The following CEP85L variants were observed in gnomAD, a reference collection of about 807,000 sequenced individuals.
The protein encoded by CEP85L is centrosomal protein of 85 kDa-like.
A neutral mutation model predicts 100.3 loss-of-function variants in CEP85L; 60 were observed. That is an observed-to-expected ratio of 0.60 (90% CI 0.49 to 0.74). The LOEUF is 0.74. CEP85L is among the 30% of genes least tolerant of loss of function. The pLI is 0.00. For synonymous variants in CEP85L, 319 were observed against 322.7 expected, an observed-to-expected ratio of 0.99 and a Z score of 0.12; for missense variants, 973 against 936.2, an observed-to-expected ratio of 1.04 and a Z score of -0.51.
intron 1 of CEP85L, among the ~76,000 whole-genome samples, chr6:118,693,961 G>C (rs1466727389): frequency 6.6e-5 from 10 of 152,078 alleles, no homozygotes; most frequent in Admixed American, 6.6e-4. Context: ...AGCATTTTGG[G>C]CTTCTGGGGT....
intron 1 of CEP85L, among the ~76,000 whole-genome samples, chr6:118,673,116 G>T (rs1776368794): frequency 6.6e-6 from 1 of 152,064 alleles, no homozygotes; most frequent in African/African-American, 2.4e-5. Context: ...CAAGGTTGGG[G>T]GCAGGACAAG....
At chr6:118,590,349 C>T (rs1020627900) in intron 2 of CEP85L, among the ~76,000 whole-genome samples, 1 of 152,172 alleles carries the variant, frequency 6.6e-6, no homozygotes, top group Non-Finnish European at 1.5e-5. Context: ...GCTGAGCCGG[C>T]AAGCTTTGAT....
At chr6:118,518,678 C>A (rs1421079746) in intron 4 of CEP85L, among the ~76,000 whole-genome samples, 1 of 152,154 alleles carries the variant, frequency 6.6e-6, no homozygotes, top group Admixed American at 6.5e-5. Flanking sequence ...TTTCAAAAAA[C>A]CACCTCCTGG....
chr6:118,642,044 T>C (rs1562332652), intron 1 of CEP85L, among the ~76,000 whole-genome samples: 2 of 151,792 alleles, frequency 1.3e-5, no homozygotes, highest in Non-Finnish European at 2.9e-5. Context: ...TATGTACCAC[T>C]AAAAAAAAGG....
intron 5 of CEP85L, among the ~76,000 whole-genome samples, 164 bp from the exon 6 acceptor site, chr6:118,492,029 TTAAAG>T (rs984960425): frequency 1.8e-4 from 28 of 152,154 alleles, no homozygotes; most frequent in African/African-American, 6.8e-4. Flanking sequence ...TGTACCATAA[TTAAAG>T]TAAATTACTT....
At chr6:118,589,301 G>C (rs139742733) in intron 2 of CEP85L, 122 of 237,474 alleles carry the variant, frequency 5.1e-4, no homozygotes, top group African/African-American at 2.6e-3. Context: ...ATGGGCTGCA[G>C]AATTCCAGGG....
At chr6:118,567,285 A>C (rs754868311) in intron 2 of CEP85L, among the ~76,000 whole-genome samples, 6 of 131,488 alleles carry the variant, frequency 4.6e-5, no homozygotes, top group Admixed American at 3.1e-4. Context: ...ATATATATAT[A>C]TATCCATATT....
At chr6:118,551,195 T>C (rs999133204) in intron 3 of CEP85L, among the ~76,000 whole-genome samples, 2 of 151,748 alleles carry the variant, frequency 1.3e-5, no homozygotes, top group Non-Finnish European at 3.0e-5. Context: ...TTACCCAGAG[T>C]AATTCTGAAG....
At chr6:118,635,202 TTAAAG>T (rs1267816724) in intron 1 of CEP85L, among the ~76,000 whole-genome samples, 1 of 152,228 alleles carries the variant, frequency 6.6e-6, no homozygotes, top group Non-Finnish European at 1.5e-5. Context: ...ACAGCACTGC[TTAAAG>T]TAAATGCCTA....
At chr6:118,664,702 T>A (rs1349378811) in intron 1 of CEP85L, among the ~76,000 whole-genome samples, 4 of 152,238 alleles carry the variant, frequency 2.6e-5, no homozygotes, top group Non-Finnish European at 5.9e-5. Flanking sequence ...GAACAACTGG[T>A]TGTAGAATCA....
intron 2 of CEP85L, among the ~76,000 whole-genome samples, chr6:118,618,230 C>T (rs1049561877): frequency 6.6e-6 from 1 of 152,174 alleles, no homozygotes; most frequent in Non-Finnish European, 1.5e-5. Flanking sequence ...GTTCAAATAA[C>T]TGCCGGTTAG....
chr6:118,493,789 C>G (rs900129625), intron 5 of CEP85L, among the ~76,000 whole-genome samples: 1 of 151,998 alleles, frequency 6.6e-6, no homozygotes, highest in Non-Finnish European at 1.5e-5. Context: ...AGCAGATATA[C>G]TTAATATAAT....
chr6:118,609,648 T>C (rs1285181532), intron 2 of CEP85L, among the ~76,000 whole-genome samples: 1 of 151,746 alleles, frequency 6.6e-6, no homozygotes, highest in African/African-American at 2.4e-5. Context: ...CAATGAACAA[T>C]ATGGGACCAT....
At chr6:118,566,394 G>A in intron 2 of CEP85L, 78 bp from the exon 3 acceptor site, 1 of 1,166,602 alleles carries the variant, frequency 8.6e-7, no homozygotes, top group Non-Finnish European at 1.2e-6. Flanking sequence ...TATGCCAAAA[G>A]AAATATCTGA....
rs566961157 is a variant in CEP85L, at chr6:118,545,935, G to A, written c.1020+19594C>T. ...AGGAAAGTTATTTGTATAAAGCCATGTGACCAAAAATACATTCAAACTATA... is the reference window on the plus strand; with the variant it reads ...AGGAAAGTTATTTGTATAAAGCCATATGACCAAAAATACATTCAAACTATA... On this transcript the variant is annotated intron_variant, in intron 3 of 12. Transcript: ENST00000368491. 2.6e-5 allele frequency among the ~76,000 whole-genome samples: 4 copies of A among 152,214 alleles called. No homozygotes were observed. In the East Asian group the frequency reaches 7.7e-4, roughly 29 times the overall value.
upstream of CEP85L, among the ~76,000 whole-genome samples, chr6:118,653,293 TTTGGCAC>T (rs1275999530): frequency 6.6e-6 from 1 of 152,238 alleles, no homozygotes; most frequent in African/African-American, 2.4e-5. Flanking sequence ...ATGTTGCTCT[TTTGGCAC>T]TTGGCACCAA....
intron 1 of CEP85L, among the ~76,000 whole-genome samples, chr6:118,690,647 G>T (rs1025023505): frequency 6.6e-6 from 1 of 152,236 alleles, no homozygotes; most frequent in Non-Finnish European, 1.5e-5. Context: ...ATCCAAAGCT[G>T]CTGGTGGCCA....
chr6:118,522,304 G>A (rs549796828), intron 4 of CEP85L, among the ~76,000 whole-genome samples: 39 of 152,166 alleles, frequency 2.6e-4, no homozygotes, highest in Non-Finnish European at 5.1e-4. Flanking sequence ...AGGTTGTGGT[G>A]AGCCGAGATC....
At chr6:118,601,957 C>T (rs1453198165) in intron 2 of CEP85L, among the ~76,000 whole-genome samples, 2 of 152,206 alleles carry the variant, frequency 1.3e-5, no homozygotes, top group Admixed American at 1.3e-4. Context: ...AGTGCCTTAA[C>T]CGTCTGGGAA....
Sources: allele counts gnomAD v4.1 joint callset (sites outside exome capture counted in the v4.1 genomes callset), GRCh38; gene constraint gnomAD v4.1.1; transcripts MANE v1.5; gene names NCBI Gene and HGNC (gene_info 2026-07-23, HGNC 2026-07-21).